The following ZNF529 variants were observed in gnomAD, a reference collection of about 807,000 sequenced individuals.
ZNF529 encodes the protein zinc finger protein 529.
Under a neutral mutation model 10.1 loss-of-function variants are expected in ZNF529, and 11 were observed. The ratio of observed to expected loss-of-function variants is 1.09; its 90% CI spans 0.69 to 1.81. The LOEUF is 1.81. ZNF529 is among the 40% of genes most tolerant of loss of function. The pLI, the probability that ZNF529 is intolerant of heterozygous loss-of-function variation, is 0.00. For missense variants in ZNF529, 624 were observed against 666.8 expected (o/e 0.94, Z 0.71); for synonymous variants, 204 against 215.7 (o/e 0.95, Z 0.47).
At chr19:36,560,001 G>GT (rs2035620300) in intron 2 of ZNF529, among the ~76,000 whole-genome samples, 2 of 152,268 alleles carry the variant, frequency 1.3e-5, no homozygotes, top group South Asian at 4.1e-4. Context: ...GTTCACACCT[G>GT]TAATTCCAGC....
intron 4 of ZNF529, among the ~76,000 whole-genome samples, chr19:36,549,967 T>A (rs2035196035): frequency 6.6e-6 from 1 of 152,092 alleles, no homozygotes; most frequent in Admixed American, 6.5e-5. Context: ...GCTAACAGAA[T>A]CATATGAAGA....
intron 4 of ZNF529, among the ~76,000 whole-genome samples, chr19:36,549,712 G>A (rs2145791049): frequency 6.6e-6 from 1 of 152,286 alleles, no homozygotes; most frequent in South Asian, 2.1e-4. Context: ...CAATCGGGAT[G>A]TGTTATTTAC....
intron 1 of ZNF529, among the ~76,000 whole-genome samples, chr19:36,593,209 T>G (rs1463011204): frequency 9.2e-5 from 14 of 152,172 alleles, no homozygotes; most frequent in Admixed American, 9.2e-4. Context: ...AGGGTCTCAG[T>G]CTGTCACCCA....
At chr19:36,553,517 A>C (rs192919144) in intron 4 of ZNF529, among the ~76,000 whole-genome samples, 1 of 152,282 alleles carries the variant, frequency 6.6e-6, no homozygotes, top group African/African-American at 2.4e-5. Flanking sequence ...GAAAGTTAGT[A>C]ACTTTCTGAG....
Position 36,556,125 on chromosome 19 carries a change from A to G in ZNF529, c.87T>C (p.Phe29=), listed in dbSNP as rs1039979773. 44 of 1,550,632 alleles carry G rather than the reference A, an allele frequency of 2.8e-5. No homozygotes were observed. The highest frequency in any genetic ancestry group is 1.4e-4 in the Admixed American group (7 of 50,988). ...MPEVEFPDQF[F]TVLTMDHELV... ...TTACATGGTCCATGGTTAGAACTGT[A>G]AAGAATTGGTCAGGGAATTCCACTT... Residue 29 remains phenylalanine, a synonymous_variant, in exon 3 of 5, where the codon TTT becomes TTC. Transcript: ENST00000591340.
upstream of ZNF529, among the ~76,000 whole-genome samples, chr19:36,576,806 A>T (rs1426214908): frequency 2.0e-5 from 3 of 152,026 alleles, no homozygotes; most frequent in Non-Finnish European, 4.4e-5. Flanking sequence ...CCCTTGAATT[A>T]AATAAGCATA....
At position 36,573,124 on chromosome 19, in the gene ZNF529, A is replaced by C; in HGVS notation, c.-47+16T>G. ...CACACACACACCACAATGACGTCGT[A>C]AACAATAGCACTAACCACCATCGTC... On this transcript the variant is annotated intron_variant, in intron 1 of 4. Coordinates refer to ENST00000591340, the MANE Select transcript of ZNF529 (RefSeq NM_020951.5). The C allele has an allele frequency of 4.0e-6, 1 of 250,468 alleles. No individual in the cohort carries two copies. Among genetic ancestry groups the C allele is most frequent in the Non-Finnish European group, 8.4e-6 (1 of 119,554 alleles). 15.5% of individuals were successfully genotyped at this position (250,468 alleles called of 1,614,324 possible).
chr19:36,546,532 G>T lies in ZNF529; in HGVS notation c.*334C>A, dbSNP rs938625942. Reference sequence around the variant, plus strand: ...AAGCAAAGAATTACAATGCAGAAAAGATATTGAAGTAATATTACAATTAAA... The same window carrying T: ...AAGCAAAGAATTACAATGCAGAAAATATATTGAAGTAATATTACAATTAAA... On this transcript the variant is annotated 3_prime_UTR_variant, in exon 5 of 5. Transcript: ENST00000591340. 4.8e-5 allele frequency: 10 copies of T among 210,324 alleles called. No individual in the cohort carries two copies. Among genetic ancestry groups the T allele is most frequent in the African/African-American group, 1.6e-4 (7 of 43,044 alleles). 13.0% of individuals were successfully genotyped at this position (210,324 alleles called of 1,614,324 possible). A position where few individuals can be genotyped will look rare whatever the true frequency, so the allele number is the denominator to read the frequency against.
Position 36,547,949 on chromosome 19 carries a change from T to C in ZNF529, c.609A>G (p.Gln203=), listed in dbSNP as rs200704899. Residue 203 remains glutamine (Q), a synonymous_variant, in exon 5 of 5, where the codon CAA becomes CAG. Coordinates refer to ENST00000591340, the MANE Select transcript of ZNF529 (RefSeq NM_020951.5). ...HTGGKNYECN[Q]CWKTFGIDNS... is the part of the protein sequence containing the mutation. ...TATCTATCCCAAAGGTTTTCCAACA[T>C]TGATTACATTCATAGTTTTTTCCAC... The C allele has an allele frequency of 1.1e-5, 17 of 1,612,494 alleles. No individual in the cohort carries two copies. The East Asian group carries it at 2.9e-4, about 27-fold the overall frequency.
At chr19:36,588,670 G>A (rs749078779) in intron 2 of ZNF529, among the ~76,000 whole-genome samples, 1 of 152,150 alleles carries the variant, frequency 6.6e-6, no homozygotes, top group Non-Finnish European at 1.5e-5. Flanking sequence ...TTAGGGAAAT[G>A]GAAAAGTAGA....
intron 2 of ZNF529, among the ~76,000 whole-genome samples, chr19:36,589,393 G>T (rs1600356137): frequency 6.6e-6 from 1 of 152,194 alleles, no homozygotes; most frequent in East Asian, 1.9e-4. Context: ...GTCTGCTGCA[G>T]AACTGATTGC....
At chr19:36,584,824 CAAG>C (rs750441774) in intron 2 of ZNF529, among the ~76,000 whole-genome samples, 1 of 150,980 alleles carries the variant, frequency 6.6e-6, no homozygotes, top group East Asian at 1.9e-4. Flanking sequence ...TTTTATTGCT[CAAG>C]AAGGAGATAC....
chr19:36,561,530 G>A lies in ZNF529; in HGVS notation c.15-5333C>T, dbSNP rs540324454. Among the ~76,000 whole-genome samples, 4 of 152,194 alleles carry A rather than the reference G, an allele frequency of 2.6e-5. No homozygotes were observed. The South Asian group carries it at 6.2e-4, about 24-fold the overall frequency. On this transcript the variant is annotated intron_variant, in intron 2 of 4. Coordinates refer to ENST00000591340, the MANE Select transcript of ZNF529 (RefSeq NM_020951.5). Reference sequence around the variant, plus strand: ...CCCAAATAGCTGGGATTACAGGCACGTGATGCCTTGGAGAGCCTCAGGGCC... The same window carrying A: ...CCCAAATAGCTGGGATTACAGGCACATGATGCCTTGGAGAGCCTCAGGGCC...
At chr19:36,556,230 A>G in intron 2 of ZNF529, 33 bp from the exon 3 acceptor site, 1 of 822,580 alleles carries the variant, frequency 1.2e-6, no homozygotes, top group Non-Finnish European at 2.1e-6. Flanking sequence ...AAGAACCACC[A>G]TTAAAAGTCT....
At chr19:36,590,029 A>G (rs1014613077) in intron 1 of ZNF529, among the ~76,000 whole-genome samples, 18 of 152,224 alleles carry the variant, frequency 1.2e-4, no homozygotes, top group Non-Finnish European at 2.5e-4. Flanking sequence ...AATCAAAGGG[A>G]AAACGAAAAT....
In ZNF529 at chr19:36,545,712, T is replaced by C; in HGVS notation, c.*1154A>G. On this transcript the variant is annotated 3_prime_UTR_variant, in exon 5 of 5. Coordinates refer to ENST00000591340, the MANE Select transcript of ZNF529 (RefSeq NM_020951.5). ...CTCTGAGAGGGAATAAAAAGAAAAA[T>C]AATGATAATAGATTAAAAAAACAAT... 1 of 151,782 alleles carries C rather than the reference T, an allele frequency of 6.6e-6. No individual in the cohort carries two copies. The highest frequency in any genetic ancestry group is 6.6e-5 in the Admixed American group (1 of 15,224). 9.4% of individuals were successfully genotyped at this position (151,782 alleles called of 1,614,324 possible).
chr19:36,578,291 CT>C (rs1159725232), upstream of ZNF529, among the ~76,000 whole-genome samples: 11 of 31,812 alleles, frequency 3.5e-4, no homozygotes, highest in Admixed American at 5.7e-4. Context: ...GTCTTGATCT[CT>C]TTTTTTTTTT....
chr19:36,574,153 A>G (rs1239414452), upstream of ZNF529, among the ~76,000 whole-genome samples: 1 of 152,182 alleles, frequency 6.6e-6, no homozygotes, highest in East Asian at 1.9e-4. Flanking sequence ...TGGACGGGAT[A>G]TATGTGGTTT....
At chr19:36,555,158 C>T (rs111402285) in intron 3 of ZNF529, among the ~76,000 whole-genome samples, 245 of 152,254 alleles carry the variant, frequency 1.6e-3, no homozygotes, top group African/African-American at 5.8e-3. Context: ...TTCCCCTGTA[C>T]AGGAGAAAAA....
Sources: allele counts gnomAD v4.1 joint callset (sites outside exome capture counted in the v4.1 genomes callset), GRCh38; gene constraint gnomAD v4.1.1; transcripts MANE v1.5; gene names NCBI Gene and HGNC (gene_info 2026-07-23, HGNC 2026-07-21).